Variants in CDH18 observed in about 807,000 individuals in gnomAD.
CDH18 encodes cadherin-18.
Under a neutral mutation model 67.9 loss-of-function variants are expected in CDH18, and 31 were observed. The observed-to-expected ratio is 0.46, with a 90% CI of 0.34 to 0.62. The LOEUF (loss-of-function observed/expected upper bound fraction) is 0.62, where lower values mean the gene tolerates loss of function less well. Among genes scored for constraint, CDH18 ranks in the 20% least tolerant of loss-of-function variants. The pLI, the probability that CDH18 is intolerant of heterozygous loss-of-function variation, is 0.01. For missense variants in CDH18, 890 were observed against 975.5 expected (o/e 0.91, Z 1.17); for synonymous variants, 362 against 347.2 (o/e 1.04, Z -0.48).
intron 2 of CDH18, among the ~76,000 whole-genome samples, chr5:20,103,721 A>G (rs1746676992): frequency 6.6e-6 from 1 of 151,386 alleles, no homozygotes; most frequent in Admixed American, 6.6e-5. Flanking sequence ...CAATAGTGTG[A>G]GACGCCGTCT....
chr5:19,628,217 G>T (rs1751845148), intron 5 of CDH18, among the ~76,000 whole-genome samples: 1 of 152,068 alleles, frequency 6.6e-6, no homozygotes, highest in Non-Finnish European at 1.5e-5. Context: ...TCTGTTGCCA[G>T]GTAAGACATG....
chr5:19,763,164 G>A (rs928107017), intron 3 of CDH18, among the ~76,000 whole-genome samples: 1 of 152,148 alleles, frequency 6.6e-6, no homozygotes. Context: ...GAGTTAATGG[G>A]TGCAGCAAAC....
At chr5:19,687,889 C>T (rs1172800017) in intron 5 of CDH18, among the ~76,000 whole-genome samples, 1 of 152,208 alleles carries the variant, frequency 6.6e-6, no homozygotes, top group Non-Finnish European at 1.5e-5. Flanking sequence ...CTACCTGCCA[C>T]AGCTGATACC....
At chr5:19,619,702 T>C (rs1282253114) in intron 5 of CDH18, among the ~76,000 whole-genome samples, 1 of 152,220 alleles carries the variant, frequency 6.6e-6, no homozygotes, top group Non-Finnish European at 1.5e-5. Flanking sequence ...TAAATAATTC[T>C]ACTGCTGCCC....
chr5:19,517,331 T>C (rs1474791378), intron 10 of CDH18, among the ~76,000 whole-genome samples: 4 of 152,184 alleles, frequency 2.6e-5, no homozygotes, highest in African/African-American at 4.8e-5. Flanking sequence ...TTTTATCTTC[T>C]GTTTTTATTG....
intron 5 of CDH18, among the ~76,000 whole-genome samples, chr5:19,690,180 A>G (rs1761675916): frequency 6.6e-6 from 1 of 151,492 alleles, no homozygotes; most frequent in Non-Finnish European, 1.5e-5. Context: ...ATGGAAATCA[A>G]TCAACTTGGT....
chr5:20,450,041 A>G (rs563610796), intron 1 of CDH18, among the ~76,000 whole-genome samples: 90 of 152,050 alleles, frequency 5.9e-4, no homozygotes, highest in African/African-American at 2.1e-3. Context: ...GTACATTTTT[A>G]AAGTATATTT....
intron 1 of CDH18, among the ~76,000 whole-genome samples, chr5:20,369,488 A>T (rs1041270365): frequency 2.6e-5 from 4 of 152,212 alleles, no homozygotes; most frequent in Non-Finnish European, 5.9e-5. Flanking sequence ...TTTCAAAGTC[A>T]AGCACCAGCT....
intron 1 of CDH18, among the ~76,000 whole-genome samples, chr5:20,341,400 C>A (rs1740251845): frequency 6.6e-6 from 1 of 152,048 alleles, no homozygotes; most frequent in Admixed American, 6.6e-5. Context: ...CCAAGTTCTT[C>A]AGTTTTAGGA....
At chr5:19,675,954 G>T (rs774685502) in intron 5 of CDH18, among the ~76,000 whole-genome samples, 1 of 151,548 alleles carries the variant, frequency 6.6e-6, no homozygotes, top group East Asian at 2.0e-4. Flanking sequence ...CCCTCCATTC[G>T]GGGTCCCTGA....
chr5:19,861,981 T>C (rs906947155), intron 2 of CDH18, among the ~76,000 whole-genome samples: 4 of 152,276 alleles, frequency 2.6e-5, no homozygotes, highest in Admixed American at 1.3e-4. Context: ...AGAAGGAAGA[T>C]GATATTTGAA....
chr5:19,765,555 C>T (rs1329842721), intron 3 of CDH18, among the ~76,000 whole-genome samples: 1 of 151,984 alleles, frequency 6.6e-6, no homozygotes, highest in Non-Finnish European at 1.5e-5. Flanking sequence ...TATTGAATAA[C>T]ATAATTTTAT....
chr5:19,671,989 T>A (rs147295835), intron 5 of CDH18, among the ~76,000 whole-genome samples: 14 of 152,246 alleles, frequency 9.2e-5, no homozygotes, highest in African/African-American at 3.4e-4. Flanking sequence ...ATACAGATGA[T>A]ACATTATTAT....
At chr5:19,726,963 T>C (rs1185120601) in intron 4 of CDH18, among the ~76,000 whole-genome samples, 1 of 152,192 alleles carries the variant, frequency 6.6e-6, no homozygotes, top group African/African-American at 2.4e-5. Flanking sequence ...AGCAAGAAGA[T>C]GGCCTTCTGT....
chr5:19,603,018 CG>C lies in CDH18; in HGVS notation c.811+9415del, dbSNP rs528339064. ...AAATTACCATATGATCTAGCAATTC[CG>C]CTTCTGGATATATACTTAAAAGCAC... is the stretch of plus-strand genomic sequence containing the variant. On this transcript the variant is annotated intron_variant, in intron 6 of 12. Transcript: ENST00000382275. 8.9e-4 allele frequency among the ~76,000 whole-genome samples: 135 copies of C among 152,040 alleles called. No homozygotes were observed. In the South Asian group the frequency reaches 0.012, roughly 14 times the overall value.
At chr5:20,567,373 A>G (rs1758575419) in intron 1 of CDH18, among the ~76,000 whole-genome samples, 1 of 152,130 alleles carries the variant, frequency 6.6e-6, no homozygotes, top group Non-Finnish European at 1.5e-5. Context: ...ACTTTGAAAT[A>G]TTTTGTTTTC....
chr5:20,090,609 G>T (rs769115715), intron 2 of CDH18, among the ~76,000 whole-genome samples: 7 of 152,004 alleles, frequency 4.6e-5, no homozygotes, highest in Non-Finnish European at 8.8e-5. Flanking sequence ...TGAAACTCTT[G>T]ATTGGAAACA....
intron 4 of CDH18, among the ~76,000 whole-genome samples, chr5:19,723,247 C>T (rs1391020042): frequency 6.6e-6 from 1 of 150,930 alleles, no homozygotes; most frequent in Non-Finnish European, 1.5e-5. Flanking sequence ...CCAGCCTGGG[C>T]AACAAGAGCG....
At chr5:19,848,631 C>T (rs1466213007) in intron 2 of CDH18, among the ~76,000 whole-genome samples, 1 of 151,742 alleles carries the variant, frequency 6.6e-6, no homozygotes, top group Non-Finnish European at 1.5e-5. Context: ...AAGTGTATAA[C>T]ATAAAATGAT....
Sources: allele counts gnomAD v4.1 joint callset (sites outside exome capture counted in the v4.1 genomes callset), GRCh38; gene constraint gnomAD v4.1.1; transcripts MANE v1.5; gene names NCBI Gene and HGNC (gene_info 2026-07-23, HGNC 2026-07-21).